Variants in ARHGAP5 observed in about 807,000 individuals in gnomAD.
ARHGAP5 encodes the protein Rho GTPase activating protein 5.
Under a neutral mutation model 116.6 loss-of-function variants are expected in ARHGAP5, and 23 were observed. The observed-to-expected ratio is 0.20, with a 90% CI of 0.14 to 0.28. The LOEUF (loss-of-function observed/expected upper bound fraction) is 0.28. Ranked by LOEUF, ARHGAP5 falls within the 10% of genes least tolerant of loss-of-function variation. The pLI, the probability that ARHGAP5 is intolerant of heterozygous loss-of-function variation, is 1.00. For missense variants in ARHGAP5, 1,405 were observed against 1,774.8 expected, an observed-to-expected ratio of 0.79 and a Z score of 3.74; for synonymous variants, 574 against 602.0, an observed-to-expected ratio of 0.95 and a Z score of 0.68.
At chr14:32,127,967 G>C (rs1306626724) in intron 3 of ARHGAP5, among the ~76,000 whole-genome samples, 2 of 150,956 alleles carry the variant, frequency 1.3e-5, no homozygotes, top group Non-Finnish European at 3.0e-5. Context: ...CTTCCCAGAC[G>C]GGGTGGCGGC....
intron 2 of ARHGAP5, among the ~76,000 whole-genome samples, chr14:32,098,431 T>G (rs1878635807): frequency 6.6e-6 from 1 of 152,202 alleles, no homozygotes; most frequent in African/African-American, 2.4e-5. Flanking sequence ...TTTAGTCAGA[T>G]CTGATAGCTA....
intron 2 of ARHGAP5, among the ~76,000 whole-genome samples, chr14:32,105,209 A>G (rs565854858): frequency 6.6e-6 from 1 of 152,314 alleles, no homozygotes; most frequent in Admixed American, 6.5e-5. Flanking sequence ...TTTTCCATAT[A>G]GGTCATAGCG....
Position 32,091,172 on chromosome 14 carries a change from G to C in ARHGAP5, c.503G>C (p.Gly168Ala), listed in dbSNP as rs764300015. The change falls in exon 2 of 7, where the codon GGA becomes GCA. Residue 168 changes from glycine to alanine, a missense_variant. Gly to Ala is a moderately conservative substitution (Grantham distance 60, BLOSUM62 0). Coordinates refer to ENST00000345122, the MANE Select transcript of ARHGAP5 (RefSeq NM_001030055.2). Reference protein sequence around the residue: ...GFLLCIDVSQGCNRKFDDQLK... With the variant: ...GFLLCIDVSQACNRKFDDQLK... ...TTATTATGCATTGATGTAAGTCAAG[G>C]ATGCAATAGGAAGTTTGATGATCAA... 1.2e-6 allele frequency: 2 copies of C among 1,613,534 alleles called. No homozygotes were observed. Among genetic ancestry groups the C allele is most frequent in the Non-Finnish European group, 1.7e-6 (2 of 1,179,620 alleles).
chr14:32,155,887 C>A lies in ARHGAP5; in HGVS notation c.*939C>A, dbSNP rs537680835. 1.8e-4 allele frequency: 27 copies of A among 152,518 alleles called. 1 individual carries two copies. The highest frequency in any genetic ancestry group is 1.6e-3 in the Admixed American group (25 of 15,280). The allele number at this position is 152,518 out of a possible 1,614,324, so 9.4% of individuals were successfully genotyped here. ...AACATGAAATTTGTTGTAGAAAATT[C>A]TTTAAACCAAACATTTAAATCTAGG... is the stretch of plus-strand genomic sequence containing the variant. On this transcript the variant is annotated 3_prime_UTR_variant, in exon 7 of 7. Coordinates refer to ENST00000345122, the MANE Select transcript of ARHGAP5 (RefSeq NM_001030055.2).
intron 3 of ARHGAP5, among the ~76,000 whole-genome samples, chr14:32,128,106 C>T (rs1880279430): frequency 6.6e-6 from 1 of 151,442 alleles, no homozygotes; most frequent in Non-Finnish European, 1.5e-5. Flanking sequence ...CAGAGTCGCT[C>T]CCCACATCCC....
chr14:32,111,623 T>C (rs761445634), intron 2 of ARHGAP5, among the ~76,000 whole-genome samples: 40 of 152,134 alleles, frequency 2.6e-4, no homozygotes, highest in Non-Finnish European at 2.9e-5. Flanking sequence ...TTGAGACTTC[T>C]TTTTTAAATG....
chr14:32,077,527 T>C (rs2041719406), intron 1 of ARHGAP5, 92 bp downstream of exon 1: 1 of 637,534 alleles, frequency 1.6e-6, no homozygotes, highest in Non-Finnish European at 2.8e-6. Context: ...CGGTCGCCGC[T>C]GCCGGTTGTA....
intron 3 of ARHGAP5, among the ~76,000 whole-genome samples, chr14:32,138,780 G>A (rs1880943300): frequency 6.6e-6 from 1 of 152,082 alleles, no homozygotes; most frequent in Admixed American, 6.6e-5. Flanking sequence ...TGATCTTAGG[G>A]GAAAACTGAT....
In ARHGAP5 at chr14:32,092,573, G is replaced by A. The variant is rs141762175; in HGVS notation, c.1904G>A (p.Arg635Gln). ...LDGKIYELDL[R>Q]PVDAKSPYFL... ...GGAAAAATTTATGAACTTGATCTTC[G>A]GCCGGTTGATGCCAAATCGCCTTAC... The change falls in exon 2 of 7, where the codon CGG becomes CAG. Residue 635 changes from arginine (R) to glutamine (Q), a missense_variant. Transcript: ENST00000345122. This position sits in a 1 kb window ranked among gnomAD's most constrained non-coding sequence, Gnocchi z 4.1. The A allele has an allele frequency of 3.7e-5, 59 of 1,613,508 alleles. No individual in the cohort carries two copies. Among genetic ancestry groups the A allele is most frequent in the Non-Finnish European group, 3.6e-5 (42 of 1,179,826 alleles).
intron 3 of ARHGAP5, among the ~76,000 whole-genome samples, chr14:32,124,120 A>G (rs956326091): frequency 6.6e-5 from 10 of 152,046 alleles, no homozygotes; most frequent in African/African-American, 2.2e-4. Context: ...GCTCTCATAG[A>G]CCATTGTGAT....
intron 3 of ARHGAP5, among the ~76,000 whole-genome samples, chr14:32,145,426 C>T (rs1376543212): frequency 6.6e-6 from 1 of 152,044 alleles, no homozygotes; most frequent in African/African-American, 2.4e-5. Flanking sequence ...TCTTCTAATC[C>T]TTTCACTAGG....
At chr14:32,152,819 A>C (rs887663372) in intron 6 of ARHGAP5, among the ~76,000 whole-genome samples, 1 of 152,124 alleles carries the variant, frequency 6.6e-6, no homozygotes, top group African/African-American at 2.4e-5. Flanking sequence ...AGATTGACCT[A>C]TTTGGAGTTG....
chr14:32,123,384 G>T (rs1443637698), intron 3 of ARHGAP5, among the ~76,000 whole-genome samples: 1 of 151,708 alleles, frequency 6.6e-6, no homozygotes, highest in African/African-American at 2.4e-5. Flanking sequence ...ATGGCCAAAT[G>T]TAGAAATGCC....
chr14:32,137,790 G>C (rs1452985611), intron 3 of ARHGAP5, among the ~76,000 whole-genome samples: 1 of 151,756 alleles, frequency 6.6e-6, no homozygotes, highest in Non-Finnish European at 1.5e-5. Flanking sequence ...TGGCCAACAT[G>C]ATGAAACCCC....
chr14:32,150,268 T>C (rs902895705), intron 5 of ARHGAP5, among the ~76,000 whole-genome samples: 1 of 152,194 alleles, frequency 6.6e-6, no homozygotes, highest in African/African-American at 2.4e-5. Flanking sequence ...TCCTAGAAAT[T>C]AGAAGATCAT....
intron 2 of ARHGAP5, among the ~76,000 whole-genome samples, chr14:32,096,069 C>A (rs1262420468): frequency 6.6e-6 from 1 of 151,634 alleles, no homozygotes; most frequent in East Asian, 1.9e-4. Context: ...CAATTATCTA[C>A]ATTTTGCCCC....
At chr14:32,107,816 T>G (rs560816324) in intron 2 of ARHGAP5, among the ~76,000 whole-genome samples, 1 of 152,334 alleles carries the variant, frequency 6.6e-6, no homozygotes, top group Middle Eastern at 3.4e-3. Context: ...TGTATGAGTC[T>G]GGTACTCAGA....
chr14:32,134,411 G>A (rs1380699124), intron 3 of ARHGAP5, among the ~76,000 whole-genome samples: 7 of 152,004 alleles, frequency 4.6e-5, no homozygotes, highest in Non-Finnish European at 8.8e-5. Flanking sequence ...TCCTGTAATG[G>A]CATTGTGCCT....
Position 32,117,299 on chromosome 14 carries a change from G to A in ARHGAP5, c.3865+12G>A, listed in dbSNP as rs781108959. On this transcript the variant is annotated intron_variant, in intron 3 of 6. Transcript: ENST00000345122. Reference sequence around the variant, plus strand: ...TATTGAAGATACAGGTAGGATAGAAGAATCATTGCAAGAGATTTGATTTTA... The same window carrying A: ...TATTGAAGATACAGGTAGGATAGAAAAATCATTGCAAGAGATTTGATTTTA... 6.4e-7 allele frequency: 1 copy of A among 1,562,502 alleles called. No individual in the cohort carries two copies. Among genetic ancestry groups the A allele is most frequent in the Non-Finnish European group, 8.7e-7 (1 of 1,151,850 alleles).
Sources: allele counts gnomAD v4.1 joint callset (sites outside exome capture counted in the v4.1 genomes callset), GRCh38; gene constraint gnomAD v4.1.1; non-coding constraint Gnocchi (gnomAD v3.1); transcripts MANE v1.5; gene names NCBI Gene and HGNC (gene_info 2026-07-23, HGNC 2026-07-21).